The following ANO3 variants were observed in gnomAD, a reference collection of about 807,000 sequenced individuals.
ANO3 encodes the protein anoctamin 3, also known as anoctamin-3.
In ANO3, 99 loss-of-function variants were observed where a neutral mutation model predicts 144.8. The ratio of observed to expected loss-of-function variants is 0.68; its 90% confidence interval spans 0.58 to 0.81. The LOEUF (loss-of-function observed/expected upper bound fraction) is 0.81. Among genes scored for constraint, ANO3 ranks in the 30% least tolerant of loss-of-function variants. ANO3 has a pLI of 0.00. For synonymous variants in ANO3, 414 were observed against 392.6 expected, an observed-to-expected ratio of 1.05 and a Z score of -0.64; for missense variants, 905 against 1,202.2, an observed-to-expected ratio of 0.75 and a Z score of 3.66.
intron 14 of ANO3, among the ~76,000 whole-genome samples, chr11:26,566,685 G>T (rs1002124684): frequency 6.6e-6 from 1 of 151,730 alleles, no homozygotes; most frequent in Non-Finnish European, 1.5e-5. Flanking sequence ...TTGCAGATTG[G>T]GTCCTGATCT....
chr11:26,577,065 GT>G (rs1851005400), intron 14 of ANO3, among the ~76,000 whole-genome samples: 1 of 152,088 alleles, frequency 6.6e-6, no homozygotes, highest in Non-Finnish European at 1.5e-5. Context: ...ATTGTGAGCA[GT>G]TTTCTTTGGT....
At chr11:26,246,410 AT>A in intron 1 of ANO3, among the ~76,000 whole-genome samples, 1 of 149,838 alleles carries the variant, frequency 6.7e-6, no homozygotes, top group Non-Finnish European at 1.5e-5. Context: ...ATATTTTCTA[AT>A]TTTTATCAAT....
intron 1 of ANO3, among the ~76,000 whole-genome samples, chr11:26,404,933 ATGTGTGTG>A (rs56103536): frequency 0.63 from 91,873 of 146,128 alleles, 30,196 homozygotes; most frequent in Middle Eastern, 0.77. Flanking sequence ...ATTTATATAT[ATGTGTGTG>A]TGTGTGTGTG....
intron 4 of ANO3, among the ~76,000 whole-genome samples, chr11:26,486,324 G>GT (rs1860445860): frequency 7.4e-6 from 1 of 134,922 alleles, no homozygotes. Flanking sequence ...TCATGCCACT[G>GT]CACTCCAGTC....
chr11:26,402,604 A>G (rs903519276), intron 1 of ANO3, among the ~76,000 whole-genome samples: 1 of 151,964 alleles, frequency 6.6e-6, no homozygotes, highest in Admixed American at 6.6e-5. Context: ...AAGCTAACCC[A>G]GGAACAGAAA....
intron 1 of ANO3, among the ~76,000 whole-genome samples, chr11:26,249,481 G>A (rs1852876337): frequency 6.6e-6 from 1 of 152,030 alleles, no homozygotes; most frequent in South Asian, 2.1e-4. Context: ...ATTGTGTGGT[G>A]TTCCGGTATC....
chr11:26,442,216 C>T, intron 2 of ANO3, 104 bp downstream of exon 2: 1 of 1,131,980 alleles, frequency 8.8e-7, no homozygotes, highest in Non-Finnish European at 1.3e-6. Flanking sequence ...TAGAGCTCTT[C>T]AGGAAGGAGG....
chr11:26,365,714 T>C (rs1405827130), intron 1 of ANO3, among the ~76,000 whole-genome samples: 1 of 152,130 alleles, frequency 6.6e-6, no homozygotes, highest in Non-Finnish European at 1.5e-5. Flanking sequence ...TGAGTAGCAG[T>C]GTCCCAAGGC....
At chr11:26,658,349 C>T (rs1057421229) in intron 26 of ANO3, among the ~76,000 whole-genome samples, 5 of 152,146 alleles carry the variant, frequency 3.3e-5, no homozygotes, top group African/African-American at 1.2e-4. Flanking sequence ...TGTGGTGGCT[C>T]ACGCCTGTAA....
intron 1 of ANO3, among the ~76,000 whole-genome samples, chr11:26,268,800 A>C (rs1447675633): frequency 6.6e-6 from 1 of 152,142 alleles, no homozygotes; most frequent in Middle Eastern, 3.2e-3. Flanking sequence ...AGTTTTCTTA[A>C]TTGCCCCACA....
At chr11:26,253,141 A>G (rs1265442671) in intron 1 of ANO3, among the ~76,000 whole-genome samples, 1 of 152,182 alleles carries the variant, frequency 6.6e-6, no homozygotes, top group African/African-American at 2.4e-5. Flanking sequence ...AGCCATGGCT[A>G]TGGTACACAG....
At chr11:26,360,437 A>G (rs1179842709) in intron 1 of ANO3, among the ~76,000 whole-genome samples, 1 of 152,036 alleles carries the variant, frequency 6.6e-6, no homozygotes, top group Non-Finnish European at 1.5e-5. Context: ...AGAAAATACA[A>G]AGGGGTGTTG....
intron 10 of ANO3, 28 bp from the exon 11 acceptor site, chr11:26,541,919 C>T (rs1161439226): frequency 3.1e-6 from 5 of 1,588,042 alleles, no homozygotes; most frequent in Non-Finnish European, 3.4e-6. Context: ...AAAATAGAAC[C>T]AAATGTATCT....
chr11:26,658,888 A>G (rs558469328), intron 26 of ANO3, among the ~76,000 whole-genome samples: 2 of 152,150 alleles, frequency 1.3e-5, no homozygotes, highest in African/African-American at 2.4e-5. Context: ...TTCATAGACT[A>G]TTATCTACTA....
chr11:26,202,506 T>A (rs967065805), intron 1 of ANO3, among the ~76,000 whole-genome samples: 6 of 151,752 alleles, frequency 4.0e-5, no homozygotes, highest in African/African-American at 1.4e-4. Flanking sequence ...AGTAAATTTG[T>A]GAATGATGTG....
At position 26,311,434 on chromosome 11, in the gene ANO3, G is replaced by C. The variant is rs1198074047; in HGVS notation, c.-3+1715G>C. 3.3e-5 allele frequency among the ~76,000 whole-genome samples: 5 copies of C among 152,196 alleles called. No homozygotes were observed. The East Asian group carries it at 9.6e-4, about 29-fold the overall frequency. ...TCATGATTCACAGATATTGGCATAA[G>C]CCTTGAAACTAGTGAAATATAAAAT... On this transcript the variant is annotated intron_variant, in intron 1 of 26. Transcript: ENST00000525139.
intron 4 of ANO3, among the ~76,000 whole-genome samples, chr11:26,480,792 A>G (rs1450075702): frequency 1.3e-5 from 2 of 152,086 alleles, no homozygotes; most frequent in East Asian, 3.9e-4. Context: ...TGGGCAACAG[A>G]GTGAGACCCT....
intron 1 of ANO3, among the ~76,000 whole-genome samples, chr11:26,292,187 C>G (rs1389692293): frequency 1.3e-5 from 2 of 152,104 alleles, no homozygotes; most frequent in Non-Finnish European, 2.9e-5. Context: ...AGCCTTTCTT[C>G]CACTTGATCC....
intron 1 of ANO3, among the ~76,000 whole-genome samples, chr11:26,296,753 G>A (rs1013258261): frequency 1.3e-5 from 2 of 152,140 alleles, no homozygotes; most frequent in Non-Finnish European, 2.9e-5. Flanking sequence ...TCCACAGCCA[G>A]TAGGGCCTTA....
Sources: allele counts gnomAD v4.1 joint callset (sites outside exome capture counted in the v4.1 genomes callset), GRCh38; gene constraint gnomAD v4.1.1; transcripts MANE v1.5; gene names NCBI Gene and HGNC (gene_info 2026-07-23, HGNC 2026-07-21).